The following EYS variants were observed in gnomAD, a reference collection of about 807,000 sequenced individuals.
EYS encodes EGF-like photoreceptor maintenance factor, also known as protein eyes shut homolog.
A neutral mutation model predicts 282.1 loss-of-function variants in EYS; 250 were observed. The observed-to-expected ratio is 0.89, with a 90% CI of 0.80 to 0.98. The LOEUF is 0.98. Ranked by LOEUF, EYS falls within the 50% of genes least tolerant of loss-of-function variation. EYS has a pLI of 0.00. For synonymous variants in EYS, 1,355 were observed against 1,282.9 expected, an observed-to-expected ratio of 1.06 and a Z score of -1.20; for missense variants, 4,016 against 3,709.0, an observed-to-expected ratio of 1.08 and a Z score of -2.15.
At chr6:64,504,610 A>G (rs1054372998) in intron 26 of EYS, among the ~76,000 whole-genome samples, 2 of 152,214 alleles carry the variant, frequency 1.3e-5, no homozygotes, top group East Asian at 3.9e-4. Flanking sequence ...GAGCCAGGGA[A>G]GACTGGAGAC....
intron 39 of EYS, among the ~76,000 whole-genome samples, chr6:63,787,648 T>C (rs939294049): frequency 6.6e-6 from 1 of 152,190 alleles, no homozygotes; most frequent in Admixed American, 6.5e-5. Flanking sequence ...ATGTAGTAAG[T>C]GGTCAATAAA....
At chr6:64,766,956 T>C (rs1773371998) in intron 22 of EYS, among the ~76,000 whole-genome samples, 1 of 151,674 alleles carries the variant, frequency 6.6e-6, no homozygotes, top group African/African-American at 2.4e-5. Flanking sequence ...AGTCAATTAT[T>C]TTAAGTCTAC....
chr6:64,865,991 TACAG>T (rs2150051227), intron 19 of EYS, among the ~76,000 whole-genome samples: 1 of 152,138 alleles, frequency 6.6e-6, no homozygotes, highest in East Asian at 1.9e-4. Flanking sequence ...AAAAATTAAT[TACAG>T]ACAGTTTGGA....
chr6:64,024,541 G>T (rs974021475), intron 33 of EYS, among the ~76,000 whole-genome samples: 2 of 152,018 alleles, frequency 1.3e-5, no homozygotes, highest in Admixed American at 1.3e-4. Flanking sequence ...AACCTGTTTG[G>T]GTCCCCTTCC....
chr6:64,727,928 A>T (rs1261580275), intron 22 of EYS, among the ~76,000 whole-genome samples: 1 of 152,216 alleles, frequency 6.6e-6, no homozygotes, highest in Non-Finnish European at 1.5e-5. Flanking sequence ...ATCACTTCTA[A>T]TTCTATCTGA....
intron 22 of EYS, among the ~76,000 whole-genome samples, chr6:64,659,808 C>A (rs1431211614): frequency 6.6e-6 from 1 of 152,076 alleles, no homozygotes; most frequent in Non-Finnish European, 1.5e-5. Flanking sequence ...ACCAGAGGTA[C>A]AAGCAGGAGC....
intron 2 of EYS, among the ~76,000 whole-genome samples, chr6:65,620,245 C>G (rs1766419036): frequency 6.6e-6 from 1 of 152,110 alleles, no homozygotes. Flanking sequence ...TGTTATTGGT[C>G]TATTCAGAGA....
chr6:65,024,214 T>A (rs1772330856), intron 13 of EYS, among the ~76,000 whole-genome samples: 1 of 152,202 alleles, frequency 6.6e-6, no homozygotes, highest in Non-Finnish European at 1.5e-5. Flanking sequence ...TCTAGGGAGC[T>A]TTTATTCACG....
chr6:64,557,116 C>T (rs4085625), intron 26 of EYS, among the ~76,000 whole-genome samples: 1 of 151,464 alleles, frequency 6.6e-6, no homozygotes, highest in East Asian at 1.9e-4. Flanking sequence ...AAAACAACTC[C>T]TAAAGAATTC....
intron 2 of EYS, among the ~76,000 whole-genome samples, chr6:65,515,125 G>A (rs1332112774): frequency 1.3e-5 from 2 of 152,048 alleles, no homozygotes; most frequent in African/African-American, 4.8e-5. Context: ...CAAAAAGTGG[G>A]CAAAGGACAT....
intron 22 of EYS, among the ~76,000 whole-genome samples, chr6:64,646,159 C>T (rs1562110092): frequency 6.6e-6 from 1 of 152,152 alleles, no homozygotes; most frequent in Non-Finnish European, 1.5e-5. Context: ...GGCTACAAGG[C>T]ATTTTCCAAC....
chr6:63,807,237 C>G (rs924135712), intron 36 of EYS, among the ~76,000 whole-genome samples: 1 of 152,064 alleles, frequency 6.6e-6, no homozygotes, highest in Non-Finnish European at 1.5e-5. Context: ...GATGATGTCA[C>G]CAGATTAAGG....
At chr6:63,921,273 T>A (rs1343117926) in intron 35 of EYS, among the ~76,000 whole-genome samples, 1 of 152,338 alleles carries the variant, frequency 6.6e-6, no homozygotes, top group African/African-American at 2.4e-5. Flanking sequence ...AGATGCACCA[T>A]GTGCCAAAGC....
At chr6:65,685,388 A>C (rs2149840523) in intron 1 of EYS, among the ~76,000 whole-genome samples, 1 of 152,180 alleles carries the variant, frequency 6.6e-6, no homozygotes, top group South Asian at 2.1e-4. Context: ...ATCAAATTGA[A>C]GTTTTGTTTA....
At position 64,502,501 on chromosome 6, in the gene EYS, C is replaced by T. The variant is rs539153985; in HGVS notation, c.5645-63149G>A. The stretch of plus-strand genomic sequence containing the variant: ...CTCCCAAAAGTGCTGGGATTACAGG[C>T]GTGAGCCACTGCGCTCGGCCGGAGG... On this transcript the variant is annotated intron_variant, in intron 26 of 42. Coordinates refer to ENST00000503581, the MANE Select transcript of EYS (RefSeq NM_001142800.2). Among the ~76,000 whole-genome samples the T allele has an allele frequency of 3.9e-5, 6 of 152,268 alleles. No individual in the cohort carries two copies. In the South Asian group the frequency reaches 8.3e-4, roughly 21 times the overall value.
intron 26 of EYS, among the ~76,000 whole-genome samples, chr6:64,446,984 T>TG (rs1449591979): frequency 2.4e-4 from 29 of 123,356 alleles, no homozygotes; most frequent in East Asian, 6.0e-4. Context: ...TATGTGTGTG[T>TG]GTGGGGGGGG....
intron 12 of EYS, among the ~76,000 whole-genome samples, chr6:65,091,655 G>A (rs925866343): frequency 6.6e-5 from 10 of 152,166 alleles, no homozygotes; most frequent in Admixed American, 5.2e-4. Context: ...GTATTTATCT[G>A]CTTCATAATT....
At chr6:65,555,427 C>G (rs79927953) in intron 2 of EYS, among the ~76,000 whole-genome samples, 1 of 151,850 alleles carries the variant, frequency 6.6e-6, no homozygotes, top group Admixed American at 6.6e-5. Context: ...TAGCCCTTTA[C>G]TTTATTTTTT....
chr6:64,930,039 TTTAA>T (rs1219883453), intron 15 of EYS, among the ~76,000 whole-genome samples: 80 of 152,300 alleles, frequency 5.3e-4, no homozygotes, highest in African/African-American at 1.8e-3. Flanking sequence ...AGATAATTGC[TTTAA>T]TTACTTGTGT....
Sources: allele counts gnomAD v4.1 joint callset (sites outside exome capture counted in the v4.1 genomes callset), GRCh38; gene constraint gnomAD v4.1.1; transcripts MANE v1.5; gene names NCBI Gene and HGNC (gene_info 2026-07-23, HGNC 2026-07-21).